Variants in TBC1D22A observed in about 807,000 individuals in gnomAD.
TBC1D22A encodes the protein TBC1 domain family member 22A, also known as putative GTPase activator.
In TBC1D22A, 38 loss-of-function variants were observed where a neutral mutation model predicts 60.2. The ratio of observed to expected loss-of-function variants is 0.63; its 90% CI spans 0.49 to 0.83. The LOEUF (loss-of-function observed/expected upper bound fraction) is 0.83, where lower values mean the gene tolerates loss of function less well. Ranked by LOEUF, TBC1D22A falls within the 40% of genes least tolerant of loss-of-function variation. TBC1D22A has a pLI of 0.00. For synonymous variants in TBC1D22A, 302 were observed against 281.7 expected (o/e 1.07, Z -0.72); for missense variants, 628 against 701.0 (o/e 0.90, Z 1.18).
At chr22:46,806,010 A>ACCCGGT (rs1555897586) in intron 4 of TBC1D22A, among the ~76,000 whole-genome samples, 3 of 150,632 alleles carry the variant, frequency 2.0e-5, no homozygotes, top group Non-Finnish European at 4.4e-5. Flanking sequence ...CCACCACCAC[A>ACCCGGT]CCCGGCTAAG....
intron 12 of TBC1D22A, among the ~76,000 whole-genome samples, chr22:47,169,225 G>A (rs1027952124): frequency 6.6e-6 from 1 of 152,214 alleles, no homozygotes; most frequent in Non-Finnish European, 1.5e-5. Flanking sequence ...CCTGGGTGGT[G>A]TGGGTAGGGC....
chr22:46,994,570 A>C (rs1164104875), intron 9 of TBC1D22A, among the ~76,000 whole-genome samples: 2 of 152,270 alleles, frequency 1.3e-5, no homozygotes, highest in Non-Finnish European at 2.9e-5. Flanking sequence ...AAGAGATCGC[A>C]GTCCCTCAGG....
At chr22:46,881,369 A>C (rs1182446846) in intron 5 of TBC1D22A, among the ~76,000 whole-genome samples, 3 of 152,104 alleles carry the variant, frequency 2.0e-5, no homozygotes, top group Non-Finnish European at 2.9e-5. Flanking sequence ...TGCAGAACAG[A>C]TAGTAGAAGG....
chr22:46,791,608 C>T (rs1001379844), intron 1 of TBC1D22A, among the ~76,000 whole-genome samples: 1 of 151,026 alleles, frequency 6.6e-6, no homozygotes, highest in Admixed American at 6.6e-5. Context: ...ATGTGTGTCA[C>T]AGGGCCAGCC....
chr22:46,929,416 A>C (rs530063514), intron 8 of TBC1D22A, among the ~76,000 whole-genome samples: 1 of 152,334 alleles, frequency 6.6e-6, no homozygotes, highest in Non-Finnish European at 1.5e-5. Flanking sequence ...GTCTTACTCT[A>C]TCTTTGGTAT....
At chr22:46,957,541 G>A (rs1448680539) in intron 8 of TBC1D22A, among the ~76,000 whole-genome samples, 1 of 152,200 alleles carries the variant, frequency 6.6e-6, no homozygotes, top group Non-Finnish European at 1.5e-5. Context: ...ACTGCCCCCC[G>A]ATTCAATCAC....
chr22:46,806,552 T>C (rs2085149094), intron 4 of TBC1D22A, among the ~76,000 whole-genome samples: 1 of 150,188 alleles, frequency 6.7e-6, no homozygotes, highest in African/African-American at 2.4e-5. Context: ...AAATTAAATA[T>C]TAAAAATATT....
At chr22:46,785,042 T>C (rs965028014) in intron 1 of TBC1D22A, among the ~76,000 whole-genome samples, 2 of 152,222 alleles carry the variant, frequency 1.3e-5, no homozygotes, top group East Asian at 1.9e-4. Context: ...GACAGATAGA[T>C]TGTGCTTGAT....
chr22:47,015,361 T>C (rs149895146), intron 10 of TBC1D22A, among the ~76,000 whole-genome samples: 67 of 152,360 alleles, frequency 4.4e-4, no homozygotes, highest in African/African-American at 1.5e-3. Flanking sequence ...GCTCAAAGCA[T>C]TTCAGGAACA....
Position 46,793,488 on chromosome 22 carries a change from C to T in TBC1D22A, c.120-13C>T. The stretch of plus-strand genomic sequence containing the variant: ...TCGAGCATGTACGAGTAAAGACTGC[C>T]TTTGCATTGCAGTTTGCTCAGGTCC... On this transcript the variant is annotated splice_polypyrimidine_tract_variant and intron_variant, in intron 2 of 12. Coordinates refer to ENST00000337137, the MANE Select transcript of TBC1D22A (RefSeq NM_014346.5). The T allele has an allele frequency of 1.2e-6, 2 of 1,613,408 alleles. No individual in the cohort carries two copies. Among genetic ancestry groups the T allele is most frequent in the Non-Finnish European group, 1.7e-6 (2 of 1,179,388 alleles).
At chr22:47,088,339 A>T (rs2064783187) in intron 11 of TBC1D22A, among the ~76,000 whole-genome samples, 1 of 152,202 alleles carries the variant, frequency 6.6e-6, no homozygotes, top group Admixed American at 6.5e-5. Flanking sequence ...TACAGAAAGC[A>T]AGGAACTTCT....
intron 4 of TBC1D22A, among the ~76,000 whole-genome samples, chr22:46,827,236 T>A (rs1362361948): frequency 6.6e-6 from 1 of 152,132 alleles, no homozygotes; most frequent in Non-Finnish European, 1.5e-5. Flanking sequence ...CCTTGGAGAG[T>A]GCTCTGCCCG....
At chr22:46,998,449 A>G (rs1044884067) in intron 10 of TBC1D22A, among the ~76,000 whole-genome samples, 16 of 152,206 alleles carry the variant, frequency 1.1e-4, no homozygotes, top group African/African-American at 3.6e-4. Context: ...GCTCTTTCAC[A>G]AAGAGTCCCA....
intron 11 of TBC1D22A, among the ~76,000 whole-genome samples, chr22:47,059,505 G>A (rs1603207073): frequency 1.3e-5 from 2 of 152,298 alleles, no homozygotes; most frequent in Middle Eastern, 3.4e-3. Flanking sequence ...AATTGGGAGC[G>A]TGTATGTGTG....
chr22:46,938,268 AC>A (rs1199013115), intron 8 of TBC1D22A, among the ~76,000 whole-genome samples: 11 of 152,316 alleles, frequency 7.2e-5, no homozygotes, highest in Non-Finnish European at 1.6e-4. Context: ...ATGTTTCGAT[AC>A]ACAAAAACTG....
At chr22:46,978,168 G>T (rs1569297969) in intron 9 of TBC1D22A, among the ~76,000 whole-genome samples, 1 of 152,224 alleles carries the variant, frequency 6.6e-6, no homozygotes, top group African/African-American at 2.4e-5. Flanking sequence ...ATCAGGTGCT[G>T]CCCAGAGCAG....
chr22:47,046,199 A>G lies in TBC1D22A; in HGVS notation c.1329+9001A>G, dbSNP rs576322130. ...TGTCCAAGTCCAAGTACCTTACAGG[A>G]TGCCGGGAGGGCCCCCGAGTGGGAC... On this transcript the variant is annotated intron_variant, in intron 11 of 12. Transcript: ENST00000337137. Among the ~76,000 whole-genome samples the G allele has an allele frequency of 3.0e-3, 463 of 152,298 alleles. 1 individual carries two copies. The highest frequency in any genetic ancestry group is 8.3e-3 in the South Asian group (40 of 4,820).
intron 10 of TBC1D22A, among the ~76,000 whole-genome samples, chr22:47,025,992 G>A (rs959861659): frequency 6.6e-6 from 1 of 152,330 alleles, no homozygotes; most frequent in African/African-American, 2.4e-5. Flanking sequence ...ATAAATGTAA[G>A]GATCCTGAAC....
At chr22:47,136,663 G>A (rs190416508) in intron 12 of TBC1D22A, among the ~76,000 whole-genome samples, 80 of 152,308 alleles carry the variant, frequency 5.3e-4, no homozygotes, top group African/African-American at 1.7e-3. Flanking sequence ...GAGCCCCCTC[G>A]TCCCTAGGGA....
Sources: gnomAD v4.1 joint callset for allele counts (sites outside exome capture counted in the v4.1 genomes callset) on GRCh38, gnomAD v4.1.1 for gene constraint, MANE v1.5 for transcripts, NCBI Gene and HGNC (gene_info 2026-07-23, HGNC 2026-07-21) for gene names.